Variants in HIP1 observed in about 807,000 individuals in gnomAD.
HIP1 encodes huntingtin interacting protein 1.
In HIP1, 65 loss-of-function variants were observed where a neutral mutation model predicts 147.6. The observed-to-expected ratio is 0.44, with a 90% CI of 0.36 to 0.54. HIP1 has a LOEUF of 0.54. HIP1 is among the 20% of genes least tolerant of loss of function. HIP1 has a pLI of 0.00. For missense variants in HIP1, 1,061 were observed against 1,299.6 expected, an observed-to-expected ratio of 0.82 and a Z score of 2.82; for synonymous variants, 479 against 504.0, an observed-to-expected ratio of 0.95 and a Z score of 0.67.
At chr7:75,582,520 T>A (rs1477867621) in intron 5 of HIP1, among the ~76,000 whole-genome samples, 11 of 152,006 alleles carry the variant, frequency 7.2e-5, no homozygotes, top group Non-Finnish European at 1.5e-5. Context: ...GTGGATACTT[T>A]AGGCTCTAGG....
rs532900686 is a variant in HIP1, at chr7:75,723,346, T to C, written c.120+15455A>G. 7.2e-5 allele frequency among the ~76,000 whole-genome samples: 11 copies of C among 152,278 alleles called. No homozygotes were observed. The East Asian group carries it at 2.1e-3, about 29-fold the overall frequency. ...GAGATCGCGCCATTGCACTCCACCC[T>C]GGGCGACAGAGCAAGACTCCATCTC... is the stretch of plus-strand genomic sequence containing the variant. On this transcript the variant is annotated intron_variant, in intron 1 of 30. Transcript: ENST00000336926.
intron 1 of HIP1, among the ~76,000 whole-genome samples, chr7:75,633,452 C>A (rs1402451258): frequency 6.6e-6 from 1 of 152,210 alleles, no homozygotes; most frequent in African/African-American, 2.4e-5. Flanking sequence ...GCTGCCTCAC[C>A]TGGCTAATTT....
chr7:75,601,399 G>C (rs1290038227), intron 1 of HIP1, among the ~76,000 whole-genome samples: 3 of 151,892 alleles, frequency 2.0e-5, no homozygotes, highest in African/African-American at 7.3e-5. Flanking sequence ...GACCAGCCTG[G>C]CCAACATGGT....
intron 1 of HIP1, among the ~76,000 whole-genome samples, chr7:75,616,102 A>AG (rs1227584666): frequency 2.0e-5 from 3 of 150,118 alleles, no homozygotes; most frequent in African/African-American, 4.9e-5. Context: ...AAAAAAAAAA[A>AG]AAAAGAAAAG....
At chr7:75,669,083 A>G (rs2117239797) in intron 1 of HIP1, among the ~76,000 whole-genome samples, 1 of 145,920 alleles carries the variant, frequency 6.9e-6, no homozygotes, top group East Asian at 2.1e-4. Context: ...CAAAAAAAAC[A>G]GGCCGGGTGT....
At chr7:75,572,686 T>C (rs1484762266) in intron 8 of HIP1, among the ~76,000 whole-genome samples, 1 of 152,146 alleles carries the variant, frequency 6.6e-6, no homozygotes, top group Non-Finnish European at 1.5e-5. Context: ...GCCGCCCAAG[T>C]TGTGACTGCA....
At chr7:75,538,641 C>G (rs1171924584) in intron 30 of HIP1, among the ~76,000 whole-genome samples, 3 of 141,326 alleles carry the variant, frequency 2.1e-5, no homozygotes, top group Non-Finnish European at 4.5e-5. Context: ...GTGGCGCGAT[C>G]TCGGCTCACT....
chr7:75,593,136 T>C (rs1264955928), intron 2 of HIP1, among the ~76,000 whole-genome samples: 1 of 152,144 alleles, frequency 6.6e-6, no homozygotes, highest in Non-Finnish European at 1.5e-5. Context: ...GCCTGGCTAA[T>C]TTTTAAATTT....
intron 7 of HIP1, among the ~76,000 whole-genome samples, chr7:75,575,028 C>T (rs1795795193): frequency 6.6e-6 from 1 of 151,976 alleles, no homozygotes; most frequent in South Asian, 2.1e-4. Context: ...CGTGATGGCT[C>T]ACGCCTGTAA....
chr7:75,679,512 A>T (rs1159735415), intron 1 of HIP1, among the ~76,000 whole-genome samples: 2 of 152,088 alleles, frequency 1.3e-5, no homozygotes, highest in African/African-American at 4.8e-5. Flanking sequence ...CCAACAATGA[A>T]TCTCTATTTG....
chr7:75,609,468 C>G (rs1215332405), intron 1 of HIP1, among the ~76,000 whole-genome samples: 2 of 152,152 alleles, frequency 1.3e-5, no homozygotes, highest in Admixed American at 1.3e-4. Flanking sequence ...CACCTCTCCA[C>G]CCCACCCTCC....
At chr7:75,549,115 T>TCCTCTGCCATCTGTAACCCTTACAAGATG in intron 22 of HIP1, 114 bp from the exon 23 acceptor site, 2 of 717,094 alleles carry the variant, frequency 2.8e-6, no homozygotes, top group African/African-American at 1.8e-5. Context: ...AAACACCTTC[T>TCCTCTGCCATCTGTAACCCTTACAAGATG]GCAAGCCACA....
At chr7:75,578,003 AAAAC>A (rs1370514845) in intron 7 of HIP1, among the ~76,000 whole-genome samples, 2 of 152,174 alleles carry the variant, frequency 1.3e-5, no homozygotes, top group Admixed American at 6.5e-5. Context: ...CTCTCAAAAC[AAAAC>A]AAACAAACAC....
intron 1 of HIP1, among the ~76,000 whole-genome samples, chr7:75,657,486 C>T (rs117531625): frequency 0.011 from 1,681 of 148,934 alleles, 24 homozygotes; most frequent in South Asian, 0.018. Flanking sequence ...GCCGAGATCC[C>T]GCCATTGCAC....
chr7:75,686,658 T>C (rs1234696041), intron 1 of HIP1, among the ~76,000 whole-genome samples: 1 of 151,972 alleles, frequency 6.6e-6, no homozygotes, highest in Admixed American at 6.6e-5. Context: ...TTCTCATTTT[T>C]TTTTTGTTGT....
chr7:75,622,713 G>C (rs1179619), intron 1 of HIP1, among the ~76,000 whole-genome samples: 108,382 of 151,882 alleles, frequency 0.71, 39,817 homozygotes, highest in African/African-American at 0.9. Flanking sequence ...CATGGTGGCT[G>C]GTGCCTGTAA....
intron 18 of HIP1, 87 bp from the exon 19 acceptor site, chr7:75,555,638 T>G: frequency 6.9e-7 from 1 of 1,456,742 alleles, no homozygotes; most frequent in South Asian, 1.2e-5. Context: ...CTTAGCATCT[T>G]AGCTCAAGTC....
At chr7:75,555,771 C>T (rs587686445) in intron 18 of HIP1, among the ~76,000 whole-genome samples, 1 of 151,882 alleles carries the variant, frequency 6.6e-6, no homozygotes, top group African/African-American at 2.4e-5. Context: ...TGGATCACTG[C>T]GCCCGCTTCT....
chr7:75,579,855 G>A (rs1414665392), intron 7 of HIP1, among the ~76,000 whole-genome samples: 1 of 152,158 alleles, frequency 6.6e-6, no homozygotes, highest in African/African-American at 2.4e-5. Context: ...CCAAGCTTGC[G>A]TATGGAGACC....
Sources: allele counts gnomAD v4.1 joint callset (sites outside exome capture counted in the v4.1 genomes callset), GRCh38; gene constraint gnomAD v4.1.1; transcripts MANE v1.5; gene names NCBI Gene and HGNC (gene_info 2026-07-23, HGNC 2026-07-21).